Variants in RIPOR2 observed in about 807,000 individuals in gnomAD.
The protein encoded by RIPOR2 is rho family-interacting cell polarization regulator 2.
Under a neutral mutation model 114.5 loss-of-function variants are expected in RIPOR2, and 39 were observed. The observed-to-expected ratio is 0.34, with a 90% confidence interval of 0.26 to 0.44. The LOEUF is 0.44. Ranked by LOEUF, RIPOR2 falls within the 20% of genes least tolerant of loss-of-function variation. The pLI is 1.00. For missense variants in RIPOR2, 1,007 were observed against 1,255.1 expected (o/e 0.80, Z 2.99); for synonymous variants, 445 against 484.4 (o/e 0.92, Z 1.07).
At chr6:24,832,835 T>C (rs541230118) in intron 15 of RIPOR2, among the ~76,000 whole-genome samples, 15 of 152,214 alleles carry the variant, frequency 9.9e-5, no homozygotes, top group Non-Finnish European at 8.8e-5. Context: ...TAAATAATAA[T>C]GAGAATTACA....
chr6:24,971,257 C>T (rs1035740394), intron 1 of RIPOR2, among the ~76,000 whole-genome samples: 1 of 152,240 alleles, frequency 6.6e-6, no homozygotes, highest in African/African-American at 2.4e-5. Flanking sequence ...AGCCTGCCAT[C>T]ATTGCCTTAC....
intron 1 of RIPOR2, chr6:25,023,147 C>T (rs2113722381): frequency 1.8e-6 from 1 of 549,710 alleles, no homozygotes; most frequent in South Asian, 1.4e-5. Context: ...CGCTGCCAGC[C>T]GGGAAGAACA....
chr6:25,041,927 G>C (rs1777473646), exon 1 of RIPOR2: 3 of 702,594 alleles, frequency 4.3e-6, no homozygotes, highest in Non-Finnish European at 7.8e-6. Context: ...GTAACACCAT[G>C]GTCCCAACAG....
intron 1 of RIPOR2, among the ~76,000 whole-genome samples, chr6:25,027,912 C>G (rs1415572766): frequency 6.6e-6 from 1 of 152,202 alleles, no homozygotes; most frequent in Non-Finnish European, 1.5e-5. Flanking sequence ...CTGAGCCATC[C>G]TTCTTGGCTG....
intron 1 of RIPOR2, among the ~76,000 whole-genome samples, chr6:24,962,335 C>T (rs1773344359): frequency 6.6e-6 from 1 of 152,136 alleles, no homozygotes; most frequent in African/African-American, 2.4e-5. Flanking sequence ...AAGTAAAAAG[C>T]TATTTTAGGA....
In RIPOR2 at chr6:25,041,984, G is replaced by C; in HGVS notation, c.-58C>G. The C allele has an allele frequency of 7.6e-6, 5 of 656,046 alleles. No homozygotes were observed. The South Asian group carries it at 8.2e-5, about 11-fold the overall frequency. The allele number at this position is 656,046 out of a possible 1,614,324, so 40.6% of individuals were successfully genotyped here. A position where few individuals can be genotyped will look rare whatever the true frequency, so the allele number is the denominator to read the frequency against. On this transcript the variant is annotated 5_prime_UTR_variant, in exon 1 of 14. Coordinates refer to the RIPOR2 transcript ENST00000510784. ...GGCAAAGGAACAAAAGGGTCTTGCA[G>C]CTATCCTGGAAGTTAAGTCCAGACG...
chr6:24,982,483 A>C (rs779208126), intron 1 of RIPOR2, among the ~76,000 whole-genome samples: 2 of 152,304 alleles, frequency 1.3e-5, no homozygotes, highest in Non-Finnish European at 2.9e-5. Flanking sequence ...CTGATGTTTC[A>C]TTTTGCTAAT....
At chr6:24,899,076 C>G (rs775460736) in intron 1 of RIPOR2, among the ~76,000 whole-genome samples, 3 of 151,422 alleles carry the variant, frequency 2.0e-5, no homozygotes, top group Non-Finnish European at 4.4e-5. Context: ...GAAATTTCCA[C>G]TGATGTCCAT....
intron 1 of RIPOR2, among the ~76,000 whole-genome samples, chr6:24,886,742 A>G (rs1372614962): frequency 6.6e-6 from 1 of 152,190 alleles, no homozygotes; most frequent in Non-Finnish European, 1.5e-5. Flanking sequence ...AACTTTGATC[A>G]GTTGGTTAAA....
intron 1 of RIPOR2, among the ~76,000 whole-genome samples, chr6:25,040,592 CTTT>C (rs34600543): frequency 2.9e-5 from 4 of 136,050 alleles, no homozygotes; most frequent in Non-Finnish European, 3.1e-5. Flanking sequence ...GTGTTTCTTG[CTTT>C]TTTTTTTTTT....
intron 13 of RIPOR2, chr6:24,839,634 A>C (rs559192846): frequency 6.5e-7 from 1 of 1,540,230 alleles, no homozygotes; most frequent in Admixed American, 2.1e-5. Flanking sequence ...AGTTGAAAAA[A>C]AACAAAAAAA....
intron 13 of RIPOR2, chr6:24,839,722 A>T (rs1430923674): frequency 1.1e-5 from 16 of 1,455,530 alleles, no homozygotes; most frequent in Admixed American, 8.7e-5. Context: ...GCTCACCCCA[A>T]AATAAAATAC....
intron 8 of RIPOR2, among the ~76,000 whole-genome samples, chr6:24,857,093 C>T (rs535329707): frequency 1.3e-5 from 2 of 152,258 alleles, no homozygotes; most frequent in East Asian, 3.9e-4. Flanking sequence ...CAGGCACAAA[C>T]AGCTTTTGTG....
At chr6:24,876,808 G>C (rs374046102) in intron 1 of RIPOR2, 16 of 216,568 alleles carry the variant, frequency 7.4e-5, no homozygotes, top group African/African-American at 2.4e-4. Flanking sequence ...GCTTTTGTAA[G>C]GACTTACCAC....
chr6:24,904,414 C>T (rs2114030901), intron 1 of RIPOR2, among the ~76,000 whole-genome samples: 2 of 152,338 alleles, frequency 1.3e-5, no homozygotes, highest in South Asian at 4.1e-4. Flanking sequence ...TCCATAGTCA[C>T]ATTCCCTCTG....
At chr6:25,009,540 C>G (rs1196853201) in intron 1 of RIPOR2, among the ~76,000 whole-genome samples, 1 of 151,988 alleles carries the variant, frequency 6.6e-6, no homozygotes. Flanking sequence ...ACCATGAAAC[C>G]AAAAGAAGAA....
At chr6:24,875,986 G>T (rs1445645859) in intron 1 of RIPOR2, among the ~76,000 whole-genome samples, 169 bp from the exon 2 acceptor site, 1 of 152,034 alleles carries the variant, frequency 6.6e-6, no homozygotes, top group African/African-American at 2.4e-5. Context: ...ACTCTCAAAA[G>T]AATAAAAAAG....
chr6:24,845,330 G>A (rs1233632588), intron 12 of RIPOR2, among the ~76,000 whole-genome samples: 1 of 152,070 alleles, frequency 6.6e-6, no homozygotes, highest in Non-Finnish European at 1.5e-5. Context: ...CTCTAGGAAA[G>A]ATAAAAGGAA....
rs1445206493 is a variant in RIPOR2, at chr6:24,804,603, A to G, written c.*1770T>C. ...AAGTGAAGGATGTATGAATATATAT[A>G]ATATTTATAAATATACAGATATGTA... On this transcript the variant is annotated 3_prime_UTR_variant, in exon 22 of 22. Coordinates refer to ENST00000643898, the MANE Select transcript of RIPOR2 (RefSeq NM_001286445.3). The G allele has an allele frequency of 6.6e-6, 1 of 152,130 alleles. No homozygotes were observed. Among genetic ancestry groups the G allele is most frequent in the East Asian group, 1.9e-4 (1 of 5,198 alleles). 9.4% of individuals were successfully genotyped at this position (152,130 alleles called of 1,614,324 possible). A position where few individuals can be genotyped will look rare whatever the true frequency, so the allele number is the denominator to read the frequency against.
Sources: gnomAD v4.1 joint callset for allele counts (sites outside exome capture counted in the v4.1 genomes callset) on GRCh38, gnomAD v4.1.1 for gene constraint, MANE v1.5 for transcripts, NCBI Gene and HGNC (gene_info 2026-07-23, HGNC 2026-07-21) for gene names.